The following CPEB3 variants were observed in gnomAD, a reference collection of about 807,000 sequenced individuals.
CPEB3 encodes cytoplasmic polyadenylation element-binding protein 3.
Under a neutral mutation model 67.2 loss-of-function variants are expected in CPEB3, and 20 were observed. The observed-to-expected ratio is 0.30, with a 90% CI of 0.21 to 0.43. CPEB3 has a LOEUF of 0.43. Ranked by LOEUF, CPEB3 falls within the 20% of genes least tolerant of loss-of-function variation. The probability of loss-of-function intolerance (pLI) is 1.00; values close to 1 mark genes in which losing one functional copy is unlikely to be tolerated. For synonymous variants in CPEB3, 376 were observed against 393.1 expected, an observed-to-expected ratio of 0.96 and a Z score of 0.51; for missense variants, 746 against 968.6, an observed-to-expected ratio of 0.77 and a Z score of 3.05.
chr10:92,052,199 G>T lies in CPEB3; in HGVS notation c.*13C>A. 1.9e-6 allele frequency: 3 copies of T among 1,597,516 alleles called. No individual in the cohort carries two copies. Among genetic ancestry groups the T allele is most frequent in the Non-Finnish European group, 2.6e-6 (3 of 1,166,488 alleles). ...TATCTACTCCAGTACTTGTGGCTGG[G>T]TCGGCCCGTGGCTCAGCTCCAGCGG... On this transcript the variant is annotated 3_prime_UTR_variant, in exon 10 of 10. Transcript: ENST00000265997.
chr10:92,265,339 T>A (rs187651240), intron 1 of CPEB3, among the ~76,000 whole-genome samples: 1 of 152,264 alleles, frequency 6.6e-6, no homozygotes, highest in Non-Finnish European at 1.5e-5. Flanking sequence ...CCTCTTAGTG[T>A]TCCAGAGTTA....
intron 2 of CPEB3, among the ~76,000 whole-genome samples, chr10:92,217,133 G>C (rs867697287): frequency 1.4e-5 from 2 of 145,288 alleles, no homozygotes; most frequent in South Asian, 4.4e-4. Context: ...ACTTGAACCT[G>C]GGAGGCGGAG....
At chr10:92,246,255 A>G (rs1852059676) in intron 1 of CPEB3, among the ~76,000 whole-genome samples, 1 of 149,910 alleles carries the variant, frequency 6.7e-6, no homozygotes, top group African/African-American at 2.5e-5. Context: ...AATGGCGTGA[A>G]CCCGGGAGGC....
chr10:92,199,679 CAAAAAAAAAAA>C (rs59100106), intron 2 of CPEB3, among the ~76,000 whole-genome samples: 6 of 71,100 alleles, frequency 8.4e-5, no homozygotes, highest in Non-Finnish European at 1.3e-4. Flanking sequence ...GACTCCATCT[CAAAAAAAAAAA>C]AAAAAAAAAA....
rs1268646794 is a variant in CPEB3 at position 92,180,999 on chromosome 10, G to A, written c.1186C>T (p.His396Tyr). 1 of 1,519,926 alleles carries A rather than the reference G, an allele frequency of 6.6e-7. No individual in the cohort carries two copies. The highest frequency in any genetic ancestry group is 2.3e-5 in the East Asian group (1 of 44,298). The allele number at this position is 1,519,926 out of a possible 1,614,324, so 94.2% of individuals were successfully genotyped here. A position where few individuals can be genotyped will look rare whatever the true frequency, so the allele number is the denominator to read the frequency against. The part of the protein sequence containing the change: ...HFAGRMGINF[H>Y]HPGTDNIMAL... ...ATAATATTATCTGTTCCTGGATGAT[G>A]GAAATTTATCCCCATGCGTCCTAAA... Residue 396 changes from histidine to tyrosine, a missense_variant, in exon 4 of 10, where the codon CAT becomes TAT. By Grantham distance (83) the His-to-Tyr change is moderately conservative. Coordinates refer to ENST00000265997, the MANE Select transcript of CPEB3 (RefSeq NM_014912.5).
At chr10:92,084,290 G>T (rs1228160231) in intron 8 of CPEB3, among the ~76,000 whole-genome samples, 1 of 151,936 alleles carries the variant, frequency 6.6e-6, no homozygotes, top group East Asian at 1.9e-4. Context: ...CGTGACTGAT[G>T]TTGCTGGCAG....
chr10:92,060,276 G>A (rs1842290157), intron 9 of CPEB3, among the ~76,000 whole-genome samples: 1 of 152,070 alleles, frequency 6.6e-6, no homozygotes, highest in Admixed American at 6.6e-5. Context: ...TGAGAATCCA[G>A]GAGGTGGAGG....
chr10:92,123,009 C>A (rs1047933113), intron 6 of CPEB3, among the ~76,000 whole-genome samples: 1 of 152,240 alleles, frequency 6.6e-6, no homozygotes, highest in Non-Finnish European at 1.5e-5. Flanking sequence ...GTGTTTTCTA[C>A]GACACTACCA....
intron 2 of CPEB3, among the ~76,000 whole-genome samples, chr10:92,230,990 C>T (rs781102353): frequency 6.6e-6 from 1 of 152,092 alleles, no homozygotes; most frequent in Admixed American, 6.6e-5. Context: ...ATCTCCAGAA[C>T]CAACAAAATC....
chr10:92,280,715 C>G (rs1842247603), intron 1 of CPEB3, among the ~76,000 whole-genome samples: 1 of 143,264 alleles, frequency 7.0e-6, no homozygotes, highest in South Asian at 2.2e-4. Context: ...AATCCCTGAT[C>G]TATATACATA....
intron 1 of CPEB3, among the ~76,000 whole-genome samples, chr10:92,249,195 G>A (rs1316439110): frequency 6.6e-6 from 1 of 152,004 alleles, no homozygotes; most frequent in Non-Finnish European, 1.5e-5. Flanking sequence ...TGGCCAACAT[G>A]GTGAAACCCC....
chr10:92,230,625 T>C (rs1354694875), intron 2 of CPEB3, among the ~76,000 whole-genome samples: 7 of 152,152 alleles, frequency 4.6e-5, no homozygotes, highest in Non-Finnish European at 8.8e-5. Context: ...GGTTTCACAT[T>C]AAGAAGTTTA....
At chr10:92,207,419 T>G (rs1849845205) in intron 2 of CPEB3, among the ~76,000 whole-genome samples, 1 of 152,204 alleles carries the variant, frequency 6.6e-6, no homozygotes, top group African/African-American at 2.4e-5. Context: ...CAGAATGGTT[T>G]TAAGGCTCTG....
chr10:92,089,516 G>A (rs1843524771), intron 8 of CPEB3, among the ~76,000 whole-genome samples: 1 of 152,150 alleles, frequency 6.6e-6, no homozygotes, highest in Non-Finnish European at 1.5e-5. Flanking sequence ...GCTGGGCACG[G>A]TGGCTCACAC....
intron 9 of CPEB3, among the ~76,000 whole-genome samples, chr10:92,063,018 GTAACCAC>G (rs1350249714): frequency 3.9e-5 from 6 of 152,216 alleles, no homozygotes; most frequent in African/African-American, 1.4e-4. Flanking sequence ...TGATGAGCTT[GTAACCAC>G]TAAGGATAAG....
chr10:92,275,906 T>C (rs1365114487), intron 1 of CPEB3, among the ~76,000 whole-genome samples: 1 of 148,592 alleles, frequency 6.7e-6, no homozygotes, highest in African/African-American at 2.5e-5. Flanking sequence ...TGGGGTGCAG[T>C]GTCGCGATCT....
At chr10:92,236,577 G>A (rs899586179) in intron 2 of CPEB3, among the ~76,000 whole-genome samples, 6 of 152,058 alleles carry the variant, frequency 3.9e-5, no homozygotes, top group Non-Finnish European at 2.9e-5. Context: ...GTGAAACCCT[G>A]CTTCTACTAA....
chr10:92,282,748 G>C (rs1419642471), intron 1 of CPEB3, among the ~76,000 whole-genome samples: 1 of 152,054 alleles, frequency 6.6e-6, no homozygotes, highest in African/African-American at 2.4e-5. Context: ...ATATTCTGGG[G>C]ACCAAAGTCT....
chr10:92,101,045 G>A (rs1457576743), intron 7 of CPEB3, among the ~76,000 whole-genome samples: 1 of 151,982 alleles, frequency 6.6e-6, no homozygotes, highest in Non-Finnish European at 1.5e-5. Context: ...ACTCTGTATG[G>A]TCCCTTCTTT....
Sources: gnomAD v4.1 joint callset for allele counts (sites outside exome capture counted in the v4.1 genomes callset) on GRCh38, gnomAD v4.1.1 for gene constraint, MANE v1.5 for transcripts, NCBI Gene and HGNC (gene_info 2026-07-23, HGNC 2026-07-21) for gene names.